PCDHA5: variants seen among roughly 807,000 people sequenced by gnomAD.
The protein encoded by PCDHA5 is protocadherin alpha-5.
PCDHA5 carries 43 observed loss-of-function variants against 61.6 expected under a neutral mutation model. The ratio of observed to expected loss-of-function variants is 0.70; its 90% CI spans 0.55 to 0.90. PCDHA5 has a LOEUF of 0.90. PCDHA5 is among the 40% of genes least tolerant of loss of function. PCDHA5 has a pLI of 0.00. For synonymous variants in PCDHA5, 627 were observed against 543.9 expected (o/e 1.15, Z -2.13); for missense variants, 1,298 against 1,222.7 (o/e 1.06, Z -0.92).
chr5:140,829,894 A>G lies in PCDHA5; in HGVS notation c.2352+5767A>G, dbSNP rs201316180. The G allele has an allele frequency of 1.1e-4, 179 of 1,613,954 alleles. No homozygotes were observed. In the East Asian group the frequency reaches 2.9e-3, roughly 27 times the overall value. On this transcript the variant is annotated intron_variant, in intron 1 of 3. Transcript: ENST00000529859. ...AGGTGCGCGCAGTTGACGCCGACTC[A>G]GGCTACAACGCGTGGCTTTCGTATG... is the stretch of plus-strand genomic sequence containing the variant.
At position 140,841,172 on chromosome 5, in the gene PCDHA5, G is replaced by A. The variant is rs1479528874; in HGVS notation, c.2352+17045G>A. 5 of 1,035,814 alleles carry A rather than the reference G, an allele frequency of 4.8e-6. No homozygotes were observed. The African/African-American group carries it at 6.5e-5, about 13-fold the overall frequency. The allele number at this position is 1,035,814 out of a possible 1,614,324, so 64.2% of individuals were successfully genotyped here. A position where few individuals can be genotyped will look rare whatever the true frequency, so the allele number is the denominator to read the frequency against. On this transcript the variant is annotated intron_variant, in intron 1 of 3. Coordinates refer to ENST00000529859, the MANE Select transcript of PCDHA5 (RefSeq NM_018908.3). ...GCTGTCTACCAAGAAGTTCTGGTTG[G>A]TCAATGTTCAAAGTCTTTTCTCTGA...
At chr5:140,876,625 G>A (rs2056468121) in intron 1 of PCDHA5, 1 of 1,614,192 alleles carries the variant, frequency 6.2e-7, no homozygotes. Context: ...CAATGGACAG[G>A]TCATCTGCTC....
chr5:140,998,664 A>C (rs1204598567), intron 3 of PCDHA5, among the ~76,000 whole-genome samples: 1 of 151,936 alleles, frequency 6.6e-6, no homozygotes, highest in Non-Finnish European at 1.5e-5. Flanking sequence ...TCCTGGGTTC[A>C]AGTGATTCTC....
intron 1 of PCDHA5, among the ~76,000 whole-genome samples, chr5:140,897,778 T>C (rs1402383058): frequency 2.0e-5 from 3 of 152,208 alleles, no homozygotes; most frequent in Non-Finnish European, 2.9e-5. Context: ...ACTTCCACAA[T>C]GGTTGAACTA....
At chr5:141,006,606 C>T (rs782461917) in intron 3 of PCDHA5, among the ~76,000 whole-genome samples, 3 of 152,112 alleles carry the variant, frequency 2.0e-5, no homozygotes, top group Non-Finnish European at 4.4e-5. Flanking sequence ...TGGAAGCAGA[C>T]TGAATAAGGA....
At chr5:141,005,809 C>T (rs1554260384) in intron 3 of PCDHA5, among the ~76,000 whole-genome samples, 1 of 150,480 alleles carries the variant, frequency 6.6e-6, no homozygotes, top group Admixed American at 6.6e-5. Flanking sequence ...TCCAAGGAGC[C>T]AGGTATGGTG....
chr5:140,926,915 T>A, intron 1 of PCDHA5: 1 of 1,563,726 alleles, frequency 6.4e-7, no homozygotes, highest in Non-Finnish European at 8.7e-7. Flanking sequence ...GGGGTGGCAG[T>A]TTTATGTTTG....
At chr5:140,990,471 A>G (rs892013539) in intron 3 of PCDHA5, among the ~76,000 whole-genome samples, 4 of 152,204 alleles carry the variant, frequency 2.6e-5, no homozygotes, top group Admixed American at 1.3e-4. Context: ...GGTATCATGT[A>G]TCAAGCTGAA....
At chr5:140,830,615 T>C in intron 1 of PCDHA5, 1 of 612,998 alleles carries the variant, frequency 1.6e-6, no homozygotes, top group African/African-American at 1.9e-5. Flanking sequence ...TTCATTTTAT[T>C]GTGTTTCTTA....
intron 1 of PCDHA5, among the ~76,000 whole-genome samples, chr5:140,926,128 C>CGCAGCAGGATCCAGCGCGGAAAGCTCT (rs1157627097): frequency 6.6e-6 from 1 of 152,162 alleles, no homozygotes; most frequent in Non-Finnish European, 1.5e-5. Context: ...GACTTCAACC[C>CGCAGCAGGATCCAGCGCGGAAAGCTCT]GCAGCAGGAT....
At chr5:140,938,618 C>A (rs925273700) in intron 1 of PCDHA5, among the ~76,000 whole-genome samples, 1 of 152,138 alleles carries the variant, frequency 6.6e-6, no homozygotes, top group East Asian at 1.9e-4. Flanking sequence ...TTGGAATAAA[C>A]TCAGGTTGCT....
At chr5:140,977,865 G>C (rs2096778412) in intron 1 of PCDHA5, among the ~76,000 whole-genome samples, 4 of 152,172 alleles carry the variant, frequency 2.6e-5, no homozygotes, top group Non-Finnish European at 5.9e-5. Flanking sequence ...ACCAAATATG[G>C]TAAGTATAAT....
intron 1 of PCDHA5, chr5:140,842,466 A>G (rs1451214851): frequency 6.2e-7 from 1 of 1,613,794 alleles, no homozygotes; most frequent in Non-Finnish European, 8.5e-7. Context: ...TCAGGTGCCA[A>G]CGGGCAGGTG....
chr5:140,903,349 A>T (rs1191077377), intron 1 of PCDHA5, among the ~76,000 whole-genome samples: 1 of 152,240 alleles, frequency 6.6e-6, no homozygotes, highest in Non-Finnish European at 1.5e-5. Flanking sequence ...ATTTTAAAAA[A>T]CAAGTTTTTC....
At chr5:140,883,018 G>T (rs1400637236) in intron 1 of PCDHA5, 2 of 1,613,968 alleles carry the variant, frequency 1.2e-6, no homozygotes, top group East Asian at 2.2e-5. Flanking sequence ...ATAAAGTGAC[G>T]GTGTTAGAGA....
At position 140,992,594 on chromosome 5, in the gene PCDHA5, G is replaced by T. The variant is rs782416770; in HGVS notation, c.2500+10031G>T. On this transcript the variant is annotated intron_variant, in intron 3 of 3. Coordinates refer to ENST00000529859, the MANE Select transcript of PCDHA5 (RefSeq NM_018908.3). ...ATTGCCTGCCTTGTATGCATCTAGC[G>T]TCTGTGTCTAAGTGAAAGCAGATTA... Among the ~76,000 whole-genome samples, 5 of 152,266 alleles carry T rather than the reference G, an allele frequency of 3.3e-5. No individual in the cohort carries two copies. The East Asian group carries it at 7.7e-4, about 24-fold the overall frequency.
intron 1 of PCDHA5, among the ~76,000 whole-genome samples, chr5:140,874,018 G>T (rs1033387450): frequency 1.3e-5 from 2 of 152,114 alleles, no homozygotes; most frequent in Admixed American, 1.3e-4. Context: ...TTTTGAAAAT[G>T]AAAAATAGGA....
intron 1 of PCDHA5, among the ~76,000 whole-genome samples, chr5:140,941,263 T>TTC (rs2092992439): frequency 7.5e-6 from 1 of 133,334 alleles, no homozygotes; most frequent in Non-Finnish European, 1.6e-5. Flanking sequence ...TTCTCTTTCT[T>TTC]TCTTTCTTTC....
Position 140,843,051 on chromosome 5 carries a change from C to G in PCDHA5, c.2352+18924C>G, listed in dbSNP as rs2150351121. ...CGGGTGGGTGGCACTGGTGGCGCAG[C>G]GAGCAAGCTGGTGCCGCGGTCTGTG... On this transcript the variant is annotated intron_variant, in intron 1 of 3. Transcript: ENST00000529859. 14 of 1,594,994 alleles carry G rather than the reference C, an allele frequency of 8.8e-6. 2 individuals carry two copies. The highest frequency in any genetic ancestry group is 2.2e-5 in the South Asian group (2 of 90,478).
Sources: allele counts gnomAD v4.1 joint callset (sites outside exome capture counted in the v4.1 genomes callset), GRCh38; gene constraint gnomAD v4.1.1; transcripts MANE v1.5; gene names NCBI Gene and HGNC (gene_info 2026-07-23, HGNC 2026-07-21).